ADAM28: variants seen among roughly 807,000 people sequenced by gnomAD.
ADAM28 encodes disintegrin and metalloproteinase domain-containing protein 28.
Under a neutral mutation model 101.2 loss-of-function variants are expected in ADAM28, and 105 were observed. The ratio of observed to expected loss-of-function variants is 1.04; its 90% CI spans 0.89 to 1.22. The LOEUF (loss-of-function observed/expected upper bound fraction) is 1.22, where lower values mean the gene tolerates loss of function less well. Ranked by LOEUF, ADAM28 falls within the 50% of genes most tolerant of loss-of-function variation. The probability of loss-of-function intolerance (pLI) is 0.00; values close to 1 mark genes in which losing one functional copy is unlikely to be tolerated. For missense variants in ADAM28, 1,028 were observed against 945.4 expected, an observed-to-expected ratio of 1.09 and a Z score of -1.15; for synonymous variants, 322 against 310.6, an observed-to-expected ratio of 1.04 and a Z score of -0.39.
intron 2 of ADAM28, among the ~76,000 whole-genome samples, chr8:24,306,969 T>C (rs1809776340): frequency 6.6e-6 from 1 of 152,190 alleles, no homozygotes; most frequent in Non-Finnish European, 1.5e-5. Context: ...TAGTGACATC[T>C]TTGTTTGCCA....
chr8:24,311,399 G>T lies in ADAM28; in HGVS notation c.345G>T (p.Lys115Asn), dbSNP rs756748932. ...CYYQGHILNE[K>N]VSDASISTCR... ...ATCAAGGACATATTCTTAATGAAAAGGTTTCTGACGCTAGCATCAGCACAT... is the reference window on the plus strand; with the variant it reads ...ATCAAGGACATATTCTTAATGAAAATGTTTCTGACGCTAGCATCAGCACAT... The change falls in exon 5 of 23, where the codon AAG becomes AAT. Residue 115 changes from lysine (K) to asparagine (N), a missense_variant. Lys to Asn is a moderately conservative substitution (Grantham distance 94). Coordinates refer to ENST00000265769, the MANE Select transcript of ADAM28 (RefSeq NM_014265.6). The T allele has an allele frequency of 1.3e-5, 21 of 1,612,892 alleles. No individual in the cohort carries two copies. Among genetic ancestry groups the T allele is most frequent in the East Asian group, 1.1e-4 (5 of 44,796 alleles).
intron 2 of ADAM28, among the ~76,000 whole-genome samples, chr8:24,305,370 G>T (rs1809438134): frequency 7.0e-6 from 1 of 143,878 alleles, no homozygotes; most frequent in Non-Finnish European, 1.5e-5. Context: ...GTGTATGTGT[G>T]TGTGTGCATG....
chr8:24,306,389 A>ATATATATATATATATAT (rs1809688463), intron 2 of ADAM28, among the ~76,000 whole-genome samples: 1 of 117,414 alleles, frequency 8.5e-6, no homozygotes, highest in Non-Finnish European at 1.8e-5. Context: ...TATATATTTA[A>ATATATATATATATATAT]AAATATATAT....
rs758917678 is a variant in ADAM28, at chr8:24,332,744, T to C, written c.1366T>C (p.Cys456Arg). Residue 456 changes from cysteine (C) to arginine (R), a missense_variant, in exon 13 of 23, where the codon TGC becomes CGC. Transcript: ENST00000265769. ...TGCATTAGGAGAATGTTGTGAAAAA[T>C]GCCAAGTAAGATTATTTTATTCTAT... ...QCALGECCEKCQFKKAGMVCR... is the reference protein window; with the variant it reads ...QCALGECCEKRQFKKAGMVCR... The C allele has an allele frequency of 6.9e-7, 1 of 1,445,730 alleles. No homozygotes were observed. Among genetic ancestry groups the C allele is most frequent in the South Asian group, 1.7e-5 (1 of 59,682 alleles). The allele number at this position is 1,445,730 out of a possible 1,614,324, so 89.6% of individuals were successfully genotyped here. A position where few individuals can be genotyped will look rare whatever the true frequency, so the allele number is the denominator to read the frequency against.
At chr8:24,344,287 C>T (rs949715160) in intron 18 of ADAM28, among the ~76,000 whole-genome samples, 2 of 152,144 alleles carry the variant, frequency 1.3e-5, no homozygotes, top group Non-Finnish European at 2.9e-5. Context: ...CACATTTTCT[C>T]CTGAGAGAGC....
chr8:24,344,133 C>T (rs1815128607), intron 18 of ADAM28, among the ~76,000 whole-genome samples: 1 of 152,144 alleles, frequency 6.6e-6, no homozygotes, highest in East Asian at 1.9e-4. Context: ...ACTGATATTT[C>T]TCTTGATGGG....
Position 24,311,418 on chromosome 8 carries a change from A to G in ADAM28, c.364A>G (p.Ser122Gly), listed in dbSNP as rs1039811687. 1.2e-6 allele frequency: 2 copies of G among 1,613,252 alleles called. No individual in the cohort carries two copies. Among genetic ancestry groups the G allele is most frequent in the South Asian group, 1.1e-5 (1 of 91,010 alleles). ...LNEKVSDASISTCRGLRGYFS... is the reference protein window; with the variant it reads ...LNEKVSDASIGTCRGLRGYFS... Reference sequence around the variant, plus strand: ...TGAAAAGGTTTCTGACGCTAGCATCAGCACATGTAGGGGTCTAAGGTAAGA... The same window carrying G: ...TGAAAAGGTTTCTGACGCTAGCATCGGCACATGTAGGGGTCTAAGGTAAGA... The change falls in exon 5 of 23, where the codon AGC (serine) becomes GGC (glycine). Residue 122 changes from serine to glycine, a missense_variant. Ser to Gly is a moderately conservative substitution (Grantham distance 56). Transcript: ENST00000265769.
chr8:24,331,891 C>T (rs1813410994), intron 12 of ADAM28, among the ~76,000 whole-genome samples: 1 of 152,136 alleles, frequency 6.6e-6, no homozygotes, highest in Non-Finnish European at 1.5e-5. Context: ...TGAATGGGAC[C>T]TCTGCTTCCA....
intron 1 of ADAM28, 66 bp downstream of exon 1, chr8:24,294,261 A>G (rs1276073928): frequency 6.6e-7 from 1 of 1,524,682 alleles, no homozygotes; most frequent in East Asian, 2.2e-5. Flanking sequence ...GTCTCCTAAT[A>G]GTTTTATTGT....
rs993028774 is a variant in ADAM28 at position 24,355,041 on chromosome 8, G to T, written c.*637G>T. The T allele has an allele frequency of 2.6e-5, 4 of 152,556 alleles. No individual in the cohort carries two copies. Among genetic ancestry groups the T allele is most frequent in the Non-Finnish European group, 5.9e-5 (4 of 68,010 alleles). 9.5% of individuals were successfully genotyped at this position (152,556 alleles called of 1,614,324 possible). On this transcript the variant is annotated 3_prime_UTR_variant, in exon 23 of 23. Coordinates refer to ENST00000265769, the MANE Select transcript of ADAM28 (RefSeq NM_014265.6). ...GGAGAAAATTTCAGTTAAATTAATA[G>T]GATAAACCAGGTTGCGAACTGGTGA...
chr8:24,338,469 A>G (rs900635190), intron 14 of ADAM28, among the ~76,000 whole-genome samples: 1 of 151,680 alleles, frequency 6.6e-6, no homozygotes, highest in Non-Finnish European at 1.5e-5. Flanking sequence ...TTCCATGTAG[A>G]TTAGGAATAT....
rs1003678656 is a variant in ADAM28 at position 24,358,310 on chromosome 8, T to C, written c.*3906T>C. 6.6e-6 allele frequency: 1 copy of C among 152,166 alleles called. No individual in the cohort carries two copies. Among genetic ancestry groups the C allele is most frequent in the Non-Finnish European group, 1.5e-5 (1 of 68,038 alleles). 9.4% of individuals were successfully genotyped at this position (152,166 alleles called of 1,614,324 possible). ...TATTATCAGCTTTAATATTGTTTCA[T>C]CATATGTCATTGTTCAAAGAATCCA... is the stretch of plus-strand genomic sequence containing the variant. On this transcript the variant is annotated 3_prime_UTR_variant, in exon 23 of 23. Transcript: ENST00000265769.
chr8:24,296,427 A>T (rs11995783), intron 1 of ADAM28, among the ~76,000 whole-genome samples: 5,138 of 152,286 alleles, frequency 0.034, 107 homozygotes, highest in East Asian at 0.095. Flanking sequence ...GTAAACCCTA[A>T]TTCAGCGTTT....
Position 24,335,630 on chromosome 8 carries a change from T to G in ADAM28, c.1556T>G (p.Leu519Arg), listed in dbSNP as rs1443260724. Reference protein sequence around the residue: ...CPTLQEQCTELWGPGTEVADK... With the variant: ...CPTLQEQCTERWGPGTEVADK... Reference sequence around the variant, plus strand: ...ACACTGCAGGAGCAGTGCACAGAGCTGTGGGGACCAGGTAGGAGGACAAAT... The same window carrying G: ...ACACTGCAGGAGCAGTGCACAGAGCGGTGGGGACCAGGTAGGAGGACAAAT... The change falls in exon 14 of 23, where the codon CTG becomes CGG. Residue 519 changes from leucine (L) to arginine (R), a missense_variant. Transcript: ENST00000265769. 6.2e-7 allele frequency: 1 copy of G among 1,605,082 alleles called. No homozygotes were observed. The highest frequency in any genetic ancestry group is 1.1e-5 in the South Asian group (1 of 89,428).
chr8:24,355,381 G>A lies in ADAM28; in HGVS notation c.*977G>A, dbSNP rs1816610907. 1.7e-5 allele frequency: 1 copy of A among 60,126 alleles called. No homozygotes were observed. Among genetic ancestry groups the A allele is most frequent in the South Asian group, 7.0e-4 (1 of 1,438 alleles). The allele number at this position is 60,126 out of a possible 1,614,324, so 3.7% of individuals were successfully genotyped here. On this transcript the variant is annotated 3_prime_UTR_variant, in exon 23 of 23. Coordinates refer to ENST00000265769, the MANE Select transcript of ADAM28 (RefSeq NM_014265.6). ...AATTTTGTTCACCTGCCCACTTCTA[G>A]GAAAGAATATCCTATCTAATCTATC... is the stretch of plus-strand genomic sequence containing the variant.
At chr8:24,304,149 G>A (rs993489474) in intron 2 of ADAM28, among the ~76,000 whole-genome samples, 6 of 150,636 alleles carry the variant, frequency 4.0e-5, no homozygotes, top group South Asian at 2.1e-4. Context: ...ATTTCCTCAC[G>A]ACTGTAAAAA....
intron 5 of ADAM28, among the ~76,000 whole-genome samples, chr8:24,312,960 T>C (rs1585564197): frequency 1.3e-5 from 2 of 152,292 alleles, no homozygotes; most frequent in South Asian, 4.1e-4. Flanking sequence ...GGCTTGTGAG[T>C]TTAAAGAATT....
intron 2 of ADAM28, among the ~76,000 whole-genome samples, chr8:24,306,981 A>T (rs1210635914): frequency 6.6e-6 from 1 of 152,202 alleles, no homozygotes; most frequent in East Asian, 1.9e-4. Context: ...TGTTTGCCAC[A>T]CAACAAATAC....
Position 24,351,276 on chromosome 8 carries a change from A to G in ADAM28, c.2144A>G (p.Lys715Arg). Residue 715 changes from lysine (K) to arginine (R), a missense_variant, in exon 20 of 23, where the codon AAA becomes AGA. By Grantham distance (26) the Lys-to-Arg change is conservative. Coordinates refer to ENST00000265769, the MANE Select transcript of ADAM28 (RefSeq NM_014265.6). Reference sequence around the variant, plus strand: ...ACCAGGCCACACAAACAGAAGAGGAAACCCCAGATGGTAAAGGCTGTTCAA... The same window carrying G: ...ACCAGGCCACACAAACAGAAGAGGAGACCCCAGATGGTAAAGGCTGTTCAA... Reference protein sequence around the residue: ...TGTRPHKQKRKPQMVKAVQPQ... With the variant: ...TGTRPHKQKRRPQMVKAVQPQ... 1 of 1,612,044 alleles carries G rather than the reference A, an allele frequency of 6.2e-7. No individual in the cohort carries two copies. The highest frequency in any genetic ancestry group is 8.5e-7 in the Non-Finnish European group (1 of 1,179,176).
Sources: allele counts gnomAD v4.1 joint callset (sites outside exome capture counted in the v4.1 genomes callset), GRCh38; gene constraint gnomAD v4.1.1; transcripts MANE v1.5; gene names NCBI Gene and HGNC (gene_info 2026-07-23, HGNC 2026-07-21).